MFSD2B: variants seen among roughly 807,000 people sequenced by gnomAD.
The protein encoded by MFSD2B is MFSD2 lysolipid transporter B, sphingolipid.
Under a neutral mutation model 58.4 loss-of-function variants are expected in MFSD2B, and 56 were observed. The ratio of observed to expected loss-of-function variants is 0.96; its 90% confidence interval spans 0.77 to 1.20. The LOEUF (loss-of-function observed/expected upper bound fraction) is 1.20, where lower values mean the gene tolerates loss of function less well. Among genes scored for constraint, MFSD2B ranks in the 50% most tolerant of loss-of-function variants. The probability of loss-of-function intolerance (pLI) is 0.00; values close to 1 mark genes in which losing one functional copy is unlikely to be tolerated. For missense variants in MFSD2B, 645 were observed against 667.6 expected (o/e 0.97, Z 0.37); for synonymous variants, 287 against 294.4 (o/e 0.97, Z 0.26).
At position 24,016,353 on chromosome 2, in the gene MFSD2B, A is replaced by G. The variant is rs1205176837; in HGVS notation, c.347+73A>G. On this transcript the variant is annotated intron_variant, in intron 3 of 13. Transcript: ENST00000338315. ...TGAGGTCACTGTTTGTCACAGCCCT[A>G]TTTCCTAGCAGAAACCCACTGGGTG... The G allele has an allele frequency of 3.7e-5, 56 of 1,512,636 alleles. 1 individual carries two copies. In the Middle Eastern group the frequency reaches 7.0e-4, roughly 19 times the overall value. The allele number at this position is 1,512,636 out of a possible 1,614,324, so 93.7% of individuals were successfully genotyped here.
intron 2 of MFSD2B, among the ~76,000 whole-genome samples, chr2:24,015,272 C>CA (rs79470107): frequency 0.011 from 1,474 of 128,184 alleles, 8 homozygotes; most frequent in Middle Eastern, 0.016. Flanking sequence ...TCCACCTCCA[C>CA]AAAAAAAAAA....
Position 24,023,815 on chromosome 2 carries a change from T to TGCC in MFSD2B, c.1313+89_1313+90insGCC. 1.4e-6 allele frequency: 2 copies of TGCC among 1,451,146 alleles called. No homozygotes were observed. The highest frequency in any genetic ancestry group is 1.9e-6 in the Non-Finnish European group (2 of 1,055,406). The allele number at this position is 1,451,146 out of a possible 1,614,324, so 89.9% of individuals were successfully genotyped here. A position where few individuals can be genotyped will look rare whatever the true frequency, so the allele number is the denominator to read the frequency against. ...CCCCTCACCTACCAAGCTCAGGGCA[T>TGCC]CCATGAGCCTGGGGCCTAAGCGCTA... is the stretch of plus-strand genomic sequence containing the variant. On this transcript the variant is annotated intron_variant, in intron 12 of 13. Coordinates refer to ENST00000338315, the MANE Select transcript of MFSD2B (RefSeq NM_001346880.2). This position sits in a 1 kb window ranked among gnomAD's most constrained non-coding sequence, Gnocchi z 5.0.
chr2:24,010,531 G>C (rs1169572669), intron 1 of MFSD2B, among the ~76,000 whole-genome samples: 1 of 152,172 alleles, frequency 6.6e-6, no homozygotes. Context: ...TTTCTGAAGC[G>C]CCTGGGGAGG....
At chr2:24,013,476 C>G (rs1360472631) in intron 2 of MFSD2B, 66 bp downstream of exon 2, 1 of 1,449,786 alleles carries the variant, frequency 6.9e-7, no homozygotes, top group East Asian at 2.4e-5. Context: ...TCCACCCCCA[C>G]CTCTGCTTCT....
rs781318518 is a variant in MFSD2B, at chr2:24,017,333, C to A, written c.519C>A (p.Cys173Ter). ...CGCTCACCATGCTGCTGACTCCCTG[C>A]CCAAGGGAGCGGGACTCGGCCACCG... The part of the protein sequence containing the change: ...YTALTMLLTP[C>*]PRERDSATAY... Residue 173 changes from cysteine to a stop codon, truncating the protein, a stop_gained, in exon 5 of 14, where the codon TGC (cysteine) becomes TGA (stop). Coordinates refer to ENST00000338315, the MANE Select transcript of MFSD2B (RefSeq NM_001346880.2). LOFTEE classifies it high-confidence loss of function. The surrounding 1 kb of genome is among the most constrained non-coding windows in gnomAD (Gnocchi z 4.8). 3.1e-6 allele frequency: 5 copies of A among 1,606,708 alleles called. No individual in the cohort carries two copies. The highest frequency in any genetic ancestry group is 1.3e-5 in the African/African-American group (1 of 74,878).
Position 24,023,418 on chromosome 2 carries a change from G to A in MFSD2B, c.1170-165G>A. 2.1e-6 allele frequency: 2 copies of A among 938,598 alleles called. No individual in the cohort carries two copies. Among genetic ancestry groups the A allele is most frequent in the Admixed American group, 2.4e-5 (1 of 42,464 alleles). The allele number at this position is 938,598 out of a possible 1,614,324, so 58.1% of individuals were successfully genotyped here. ...AGGAATGGCGGGGGGCCGGCAGGGG[G>A]CTGGCGGGGGGTACGAGCACACAGG... On this transcript the variant is annotated intron_variant, in intron 11 of 13. Transcript: ENST00000338315. The surrounding 1 kb of genome is among the most constrained non-coding windows in gnomAD (Gnocchi z 5.0).
At chr2:24,013,182 C>A in intron 1 of MFSD2B, 103 bp from the exon 2 acceptor site, 1 of 1,260,354 alleles carries the variant, frequency 7.9e-7, no homozygotes, top group South Asian at 2.2e-5. Context: ...TGGAAAAGCC[C>A]TGAAGACATC....
rs577324369 is a variant in MFSD2B, at chr2:24,016,029, C to T, written c.223-127C>T. The T allele has an allele frequency of 4.2e-5, 50 of 1,194,988 alleles. 1 individual carries two copies. The highest frequency in any genetic ancestry group is 5.9e-5 in the Non-Finnish European group (48 of 819,270). The allele number at this position is 1,194,988 out of a possible 1,614,324, so 74.0% of individuals were successfully genotyped here. On this transcript the variant is annotated intron_variant, in intron 2 of 13. Coordinates refer to ENST00000338315, the MANE Select transcript of MFSD2B (RefSeq NM_001346880.2). ...AGCATCCTGGGGAAGGCTGAGGAGC[C>T]CTTGACACTGTGGCTCTGCCCTCCG...
chr2:24,010,602 C>G (rs866843874), intron 1 of MFSD2B, among the ~76,000 whole-genome samples: 32 of 152,326 alleles, frequency 2.1e-4, no homozygotes, highest in Admixed American at 1.9e-3. Flanking sequence ...AGACCCTGGC[C>G]TCGCCCAGGC....
chr2:24,021,782 C>T lies in MFSD2B; in HGVS notation c.772+44C>T. 1 of 1,612,496 alleles carries T rather than the reference C, an allele frequency of 6.2e-7. No homozygotes were observed. Among genetic ancestry groups the T allele is most frequent in the Admixed American group, 1.7e-5 (1 of 59,704 alleles). On this transcript the variant is annotated intron_variant, in intron 7 of 13. Transcript: ENST00000338315. This position sits in a 1 kb window ranked among gnomAD's most constrained non-coding sequence, Gnocchi z 5.7. Reference sequence around the variant, plus strand: ...AGGGAAGCAGAAGCTGGGGGCAGGGCTCTGCTTGGGGGCAGGTTTTGCTTT... The same window carrying T: ...AGGGAAGCAGAAGCTGGGGGCAGGGTTCTGCTTGGGGGCAGGTTTTGCTTT...
At position 24,021,635 on chromosome 2, in the gene MFSD2B, T is replaced by C; in HGVS notation, c.682-13T>C. The C allele has an allele frequency of 6.2e-7, 1 of 1,608,536 alleles. No individual in the cohort carries two copies. The highest frequency in any genetic ancestry group is 1.3e-5 in the African/African-American group (1 of 74,958). Reference sequence around the variant, plus strand: ...GAAGACATCACCCATCCCAGTCCTGTCCTGTCCCACAGGCCCATCTCTACT... The same window carrying C: ...GAAGACATCACCCATCCCAGTCCTGCCCTGTCCCACAGGCCCATCTCTACT... On this transcript the variant is annotated splice_polypyrimidine_tract_variant and intron_variant, in intron 6 of 13. Coordinates refer to ENST00000338315, the MANE Select transcript of MFSD2B (RefSeq NM_001346880.2). This position sits in a 1 kb window ranked among gnomAD's most constrained non-coding sequence, Gnocchi z 5.7.
rs1662972756 is a variant in MFSD2B, at chr2:24,026,193, A to G, written c.*737A>G. On this transcript the variant is annotated 3_prime_UTR_variant, in exon 14 of 14. Transcript: ENST00000338315. ...TTCTCTAATATCACAGCCATGTTAG[A>G]ACAAATTTGGGTTTTCAAAACAAGC... The G allele has an allele frequency of 6.6e-6, 1 of 152,242 alleles. No homozygotes were observed. Among genetic ancestry groups the G allele is most frequent in the South Asian group, 2.1e-4 (1 of 4,832 alleles). 9.4% of individuals were successfully genotyped at this position (152,242 alleles called of 1,614,324 possible).
rs543973051 is a variant in MFSD2B, at chr2:24,022,137, G to A, written c.894+167G>A. ...AGATCCCGGTAGGGCTTGTGGGAAT[G>A]GAGGGCCAGGGCCTGGGCACTAGGA... On this transcript the variant is annotated intron_variant, in intron 8 of 13. Transcript: ENST00000338315. The surrounding 1 kb of genome is among the most constrained non-coding windows in gnomAD (Gnocchi z 4.5). Among the ~76,000 whole-genome samples the A allele has an allele frequency of 2.2e-4, 33 of 152,344 alleles. No individual in the cohort carries two copies. The highest frequency in any genetic ancestry group is 3.4e-3 in the Middle Eastern group (1 of 294).
At position 24,017,135 on chromosome 2, in the gene MFSD2B, G is replaced by A. The variant is rs559772677; in HGVS notation, c.472-151G>A. ...TGCGCGGGACTGGCTGCCCCCTCCT[G>A]CCTTTGGGACCCTAGCTCCGACTTC... is the stretch of plus-strand genomic sequence containing the variant. On this transcript the variant is annotated intron_variant, in intron 4 of 13. Transcript: ENST00000338315. This position sits in a 1 kb window ranked among gnomAD's most constrained non-coding sequence, Gnocchi z 4.8. 1.1e-4 allele frequency: 145 copies of A among 1,268,790 alleles called. No individual in the cohort carries two copies. In the African/African-American group the frequency reaches 1.9e-3, roughly 16 times the overall value. 78.6% of individuals were successfully genotyped at this position (1,268,790 alleles called of 1,614,324 possible).
chr2:24,019,319 C>T (rs1156796406), intron 6 of MFSD2B, among the ~76,000 whole-genome samples: 1 of 152,118 alleles, frequency 6.6e-6, no homozygotes, highest in Non-Finnish European at 1.5e-5. Context: ...GGACCGGGCC[C>T]AGCAATCTCT....
At position 24,012,128 on chromosome 2, in the gene MFSD2B, G is replaced by GAAAC. The variant is rs1164447658; in HGVS notation, c.97-1137_97-1134dup. Among the ~76,000 whole-genome samples the GAAAC allele has an allele frequency of 6.9e-6, 1 of 145,046 alleles. No homozygotes were observed. Among genetic ancestry groups the GAAAC allele is most frequent in the African/African-American group, 2.6e-5 (1 of 38,990 alleles). ...GTATTGACTGAATACCATGGATCTG[G>GAAAC]AAACAAACAAACAAACAAACAAAAC... On this transcript the variant is annotated intron_variant, in intron 1 of 13. Transcript: ENST00000338315. The surrounding 1 kb of genome is among the most constrained non-coding windows in gnomAD (Gnocchi z 4.5).
At chr2:24,019,864 C>T (rs1207977281) in intron 6 of MFSD2B, among the ~76,000 whole-genome samples, 1 of 152,114 alleles carries the variant, frequency 6.6e-6, no homozygotes, top group Non-Finnish European at 1.5e-5. Context: ...GGTGAGAGGC[C>T]CCCACCCTCC....
In MFSD2B at chr2:24,017,547, G is replaced by T. The variant is rs1255131116; in HGVS notation, c.640G>T (p.Ala214Ser). 6.4e-7 allele frequency: 1 copy of T among 1,569,684 alleles called. No homozygotes were observed. The highest frequency in any genetic ancestry group is 1.9e-5 in the Admixed American group (1 of 53,664). The change falls in exon 6 of 14, where the codon GCC becomes TCC. Residue 214 changes from alanine to serine, a missense_variant. Transcript: ENST00000338315. The surrounding 1 kb of genome is among the most constrained non-coding windows in gnomAD (Gnocchi z 4.8). ...CGCCCACAGACCCCACAGGTGCGAG[G>T]CCACTGCGACCCCGGGGCCAGTCAC... is the stretch of plus-strand genomic sequence containing the variant. ...SGAHRPHRCE[A>S]TATPGPVTVS...
chr2:24,023,617 C>A lies in MFSD2B; in HGVS notation c.1204C>A (p.Leu402Met). Residue 402 changes from leucine (L) to methionine (M), a missense_variant, in exon 12 of 14, where the codon CTG (leucine) becomes ATG (methionine). Transcript: ENST00000338315. This position sits in a 1 kb window ranked among gnomAD's most constrained non-coding sequence, Gnocchi z 5.0. ...MLPDVVDDFQ[L>M]QHRHGPGLET... is the part of the protein sequence containing the mutation. ...GCCAGACGTGGTGGATGACTTTCAG[C>A]TGCAGCACCGTCACGGGCCAGGCCT... is the stretch of plus-strand genomic sequence containing the variant. 6.2e-7 allele frequency: 1 copy of A among 1,613,958 alleles called. No homozygotes were observed. The highest frequency in any genetic ancestry group is 8.5e-7 in the Non-Finnish European group (1 of 1,179,838).
Sources: gnomAD v4.1 joint callset for allele counts (sites outside exome capture counted in the v4.1 genomes callset) on GRCh38, gnomAD v4.1.1 for gene constraint, Gnocchi (gnomAD v3.1) non-coding constraint, MANE v1.5 for transcripts, NCBI Gene and HGNC (gene_info 2026-07-23, HGNC 2026-07-21) for gene names.